LCORL: variants seen among roughly 807,000 people sequenced by gnomAD.
LCORL encodes the protein ligand dependent nuclear receptor corepressor like.
Under a neutral mutation model 141.8 loss-of-function variants are expected in LCORL, and 41 were observed. That is an observed-to-expected ratio of 0.29 (90% confidence interval 0.23 to 0.38). The LOEUF (loss-of-function observed/expected upper bound fraction) is 0.38. Ranked by LOEUF, LCORL falls within the 10% of genes least tolerant of loss-of-function variation. The probability of loss-of-function intolerance (pLI) is 1.00; values close to 1 mark genes in which losing one functional copy is unlikely to be tolerated. For missense variants in LCORL, 1,759 were observed against 2,035.0 expected (o/e 0.86, Z 2.61); for synonymous variants, 618 against 694.1 (o/e 0.89, Z 1.72).
At chr4:17,846,490 T>A (rs532309264) in intron 7 of LCORL, among the ~76,000 whole-genome samples, 1 of 152,240 alleles carries the variant, frequency 6.6e-6, no homozygotes, top group Admixed American at 6.5e-5. Flanking sequence ...AGCTCTCTGA[T>A]GAGGCTGGAA....
At chr4:17,913,678 C>A (rs1433355806) in intron 4 of LCORL, among the ~76,000 whole-genome samples, 2 of 152,232 alleles carry the variant, frequency 1.3e-5, no homozygotes, top group Admixed American at 6.5e-5. Flanking sequence ...TTCCCTTCAT[C>A]AAACAAGGGC....
intron 6 of LCORL, chr4:17,881,243 C>A: frequency 1.0e-6 from 1 of 982,760 alleles, no homozygotes; most frequent in Non-Finnish European, 1.2e-6. Flanking sequence ...ATTAAGTCTG[C>A]TGAAACGGGA....
At chr4:17,850,683 C>G (rs1723556872) in intron 7 of LCORL, among the ~76,000 whole-genome samples, 2 of 150,824 alleles carry the variant, frequency 1.3e-5, no homozygotes, top group South Asian at 4.2e-4. Context: ...GTTGGTGGGA[C>G]TGTAAACTAG....
At chr4:17,969,281 T>C (rs1475749784) in intron 2 of LCORL, among the ~76,000 whole-genome samples, 1 of 152,222 alleles carries the variant, frequency 6.6e-6, no homozygotes, top group East Asian at 1.9e-4. Flanking sequence ...AGAATAGTTA[T>C]GCTTTCTTCA....
At chr4:17,899,355 G>A (rs995259248) in intron 5 of LCORL, among the ~76,000 whole-genome samples, 2 of 152,002 alleles carry the variant, frequency 1.3e-5, no homozygotes, top group African/African-American at 4.8e-5. Flanking sequence ...TGATGAACAG[G>A]GGGCAAGCCA....
intron 5 of LCORL, among the ~76,000 whole-genome samples, chr4:17,901,958 G>C (rs2109301147): frequency 6.6e-6 from 1 of 152,128 alleles, no homozygotes. Context: ...ATCCAATATG[G>C]GAGGTGTGGA....
intron 1 of LCORL, among the ~76,000 whole-genome samples, chr4:17,985,851 C>T (rs1380088512): frequency 6.6e-6 from 1 of 152,116 alleles, no homozygotes; most frequent in East Asian, 1.9e-4. Flanking sequence ...GGTTGCTTTA[C>T]AGTGTCACTT....
chr4:17,888,158 T>C (rs762276834), intron 5 of LCORL, among the ~76,000 whole-genome samples: 11 of 152,126 alleles, frequency 7.2e-5, no homozygotes, highest in Non-Finnish European at 1.3e-4. Flanking sequence ...CTTAGAATAG[T>C]GCCTGGCATA....
chr4:17,864,352 G>A (rs1688614891), intron 7 of LCORL, among the ~76,000 whole-genome samples: 1 of 152,046 alleles, frequency 6.6e-6, no homozygotes, highest in Non-Finnish European at 1.5e-5. Context: ...AGCCTCCCCA[G>A]TAGCTGGGGC....
At chr4:18,015,814 TAG>T (rs1159785039) in intron 1 of LCORL, among the ~76,000 whole-genome samples, 3 of 148,564 alleles carry the variant, frequency 2.0e-5, no homozygotes, top group Non-Finnish European at 4.5e-5. Context: ...AAAAGTAAAA[TAG>T]AGAGTAGATA....
At chr4:17,869,490 A>G (rs1227826959) in intron 7 of LCORL, among the ~76,000 whole-genome samples, 1 of 152,126 alleles carries the variant, frequency 6.6e-6, no homozygotes, top group African/African-American at 2.4e-5. Flanking sequence ...AACAGTTTAC[A>G]TTGCCTTCTC....
chr4:17,852,121 C>G (rs776316754), intron 7 of LCORL, among the ~76,000 whole-genome samples: 1 of 152,122 alleles, frequency 6.6e-6, no homozygotes, highest in East Asian at 1.9e-4. Flanking sequence ...AATGCTATGT[C>G]ATCAGATTTA....
intron 4 of LCORL, among the ~76,000 whole-genome samples, chr4:17,950,877 A>G (rs1739614771): frequency 1.3e-5 from 2 of 152,220 alleles, no homozygotes; most frequent in African/African-American, 4.8e-5. Flanking sequence ...AAGACTCACC[A>G]CATTAAAAAA....
exon 8 of LCORL, chr4:17,844,585 A>AAAT (rs765017352): frequency 2.6e-4 from 40 of 152,550 alleles, no homozygotes; most frequent in Admixed American, 6.5e-4. Context: ...AGTCAGTTAA[A>AAAT]AATAGATGAT....
Position 17,925,180 on chromosome 4 carries a change from G to A in LCORL, c.431-15835C>T, listed in dbSNP as rs529554912. Among the ~76,000 whole-genome samples the A allele has an allele frequency of 2.6e-5, 4 of 152,310 alleles. No individual in the cohort carries two copies. The East Asian group carries it at 7.7e-4, about 29-fold the overall frequency. On this transcript the variant is annotated intron_variant, in intron 4 of 7. Transcript: ENST00000635767. ...GGATCCCCCTACCTCTCAGCCAACA[G>A]GCTAAGAAGGGAGTTACAGTGTTGG...
intron 1 of LCORL, among the ~76,000 whole-genome samples, chr4:18,006,022 C>T (rs1722749933): frequency 6.6e-6 from 1 of 152,172 alleles, no homozygotes; most frequent in Non-Finnish European, 1.5e-5. Context: ...TGCCAGACTG[C>T]AAAATTTCCA....
intron 1 of LCORL, among the ~76,000 whole-genome samples, chr4:18,018,241 C>A (rs568846979): frequency 1.3e-5 from 2 of 152,126 alleles, no homozygotes; most frequent in South Asian, 4.1e-4. Context: ...TTCATAAGAT[C>A]CAGGACTATA....
At chr4:17,892,833 CT>C (rs1469368941) in intron 5 of LCORL, among the ~76,000 whole-genome samples, 1 of 152,076 alleles carries the variant, frequency 6.6e-6, no homozygotes, top group Non-Finnish European at 1.5e-5. Context: ...AAGTCAGTAC[CT>C]ATGAAAAACA....
intron 7 of LCORL, among the ~76,000 whole-genome samples, chr4:17,868,815 T>C (rs989781981): frequency 3.3e-5 from 5 of 152,104 alleles, no homozygotes; most frequent in African/African-American, 1.2e-4. Context: ...TATTACTAAA[T>C]CTAAGGGCCC....
Sources: allele counts gnomAD v4.1 joint callset (sites outside exome capture counted in the v4.1 genomes callset), GRCh38; gene constraint gnomAD v4.1.1; transcripts MANE v1.5; gene names NCBI Gene and HGNC (gene_info 2026-07-23, HGNC 2026-07-21).